Variants in MFHAS1 observed in about 807,000 individuals in gnomAD.
MFHAS1 encodes multifunctional ROCO family signaling regulator 1.
A neutral mutation model predicts 70.4 loss-of-function variants in MFHAS1; 50 were observed. The ratio of observed to expected loss-of-function variants is 0.71; its 90% CI spans 0.57 to 0.90. The LOEUF is 0.90. MFHAS1 is among the 40% of genes least tolerant of loss of function. MFHAS1 has a pLI of 0.00. For missense variants in MFHAS1, 1,795 were observed against 1,347.6 expected, an observed-to-expected ratio of 1.33 and a Z score of -5.20; for synonymous variants, 952 against 620.0, an observed-to-expected ratio of 1.54 and a Z score of -7.96.
intron 1 of MFHAS1, among the ~76,000 whole-genome samples, chr8:8,865,870 C>G (rs1243636496): frequency 1.3e-5 from 2 of 152,178 alleles, no homozygotes; most frequent in African/African-American, 4.8e-5. Flanking sequence ...TTATTTCTCT[C>G]AGGAAGGCAG....
chr8:8,859,341 G>A (rs1808574943), intron 1 of MFHAS1, among the ~76,000 whole-genome samples: 1 of 152,030 alleles, frequency 6.6e-6, no homozygotes, highest in Non-Finnish European at 1.5e-5. Context: ...AAGACTCTGT[G>A]CCCCTCACAC....
chr8:8,892,142 T>G lies in MFHAS1; in HGVS notation c.917A>C (p.Asn306Thr). Residue 306 changes from asparagine to threonine, a missense_variant, in exon 1 of 3, where the codon AAC (asparagine) becomes ACC (threonine). Transcript: ENST00000276282. The surrounding 1 kb of genome is among the most constrained non-coding windows in gnomAD (Gnocchi z 4.7). ...AGLEELYLSR[N>T]QLTSVPSLIS... ...AAGGGATGGCACCGAGGTGAGCTGG[T>G]TGCGACTAAGGTAGAGCTCCTCCAG... is the stretch of plus-strand genomic sequence containing the variant. The G allele has an allele frequency of 6.2e-7, 1 of 1,611,736 alleles. No homozygotes were observed. Among genetic ancestry groups the G allele is most frequent in the Non-Finnish European group, 8.5e-7 (1 of 1,179,968 alleles).
chr8:8,806,730 G>A (rs1473493498), intron 1 of MFHAS1, among the ~76,000 whole-genome samples: 3 of 152,170 alleles, frequency 2.0e-5, no homozygotes, highest in African/African-American at 4.8e-5. Context: ...GGAGGCCAAG[G>A]CTGGCAGATC....
intron 1 of MFHAS1, among the ~76,000 whole-genome samples, chr8:8,819,945 G>A (rs894695790): frequency 6.6e-5 from 10 of 151,986 alleles, no homozygotes; most frequent in African/African-American, 2.4e-4. Flanking sequence ...CTATCCTCCC[G>A]CCTCGGCCTC....
At chr8:8,832,079 C>CACACACACAG (rs1554481397) in intron 1 of MFHAS1, among the ~76,000 whole-genome samples, 2 of 151,726 alleles carry the variant, frequency 1.3e-5, no homozygotes, top group Non-Finnish European at 2.9e-5. Context: ...CACACACACA[C>CACACACACAG]ACACACACAC....
intron 2 of MFHAS1, among the ~76,000 whole-genome samples, chr8:8,795,423 T>C (rs1239015939): frequency 1.3e-5 from 2 of 152,256 alleles, no homozygotes; most frequent in African/African-American, 4.8e-5. Flanking sequence ...ACAGTTATTC[T>C]GTAATCCTAT....
intron 2 of MFHAS1, among the ~76,000 whole-genome samples, chr8:8,795,822 T>G (rs572032525): frequency 6.6e-6 from 1 of 152,324 alleles, no homozygotes; most frequent in East Asian, 1.9e-4. Flanking sequence ...CAGGTCACAA[T>G]TCCCAAAGGC....
intron 1 of MFHAS1, among the ~76,000 whole-genome samples, chr8:8,858,651 G>T (rs1808542377): frequency 6.6e-6 from 1 of 152,036 alleles, no homozygotes; most frequent in Non-Finnish European, 1.5e-5. Flanking sequence ...TATATATGGG[G>T]GGTTGGGTTC....
chr8:8,820,828 G>A (rs1217936901), intron 1 of MFHAS1, among the ~76,000 whole-genome samples: 2 of 152,208 alleles, frequency 1.3e-5, no homozygotes, highest in Admixed American at 1.3e-4. Context: ...CCAGGCCAAA[G>A]CTGTGCTGCC....
intron 1 of MFHAS1, among the ~76,000 whole-genome samples, chr8:8,834,867 G>A (rs1807540408): frequency 6.6e-6 from 1 of 152,194 alleles, no homozygotes; most frequent in South Asian, 2.1e-4. Flanking sequence ...ACATGCCACT[G>A]GATATTTTAA....
At chr8:8,827,688 G>A (rs1807213864) in intron 1 of MFHAS1, among the ~76,000 whole-genome samples, 1 of 152,064 alleles carries the variant, frequency 6.6e-6, no homozygotes, top group Admixed American at 6.5e-5. Flanking sequence ...CCACATTTAT[G>A]GAATTTTTGC....
At chr8:8,820,578 T>C (rs988367300) in intron 1 of MFHAS1, among the ~76,000 whole-genome samples, 5 of 151,884 alleles carry the variant, frequency 3.3e-5, no homozygotes, top group African/African-American at 1.2e-4. Context: ...ATATCATGAA[T>C]TTTTTTTTCA....
intron 2 of MFHAS1, among the ~76,000 whole-genome samples, chr8:8,789,707 T>C (rs28521727): frequency 0.29 from 43,863 of 152,038 alleles, 6,926 homozygotes; most frequent in African/African-American, 0.39. Context: ...TTCCTAGAGA[T>C]GGTAAAACAA....
intron 1 of MFHAS1, among the ~76,000 whole-genome samples, chr8:8,806,879 T>G (rs1337500040): frequency 1.3e-5 from 2 of 151,936 alleles, no homozygotes; most frequent in African/African-American, 2.4e-5. Context: ...GAGAATCGCT[T>G]GAACCCGGGA....
At chr8:8,803,152 C>T (rs749338497) in intron 1 of MFHAS1, among the ~76,000 whole-genome samples, 1 of 152,166 alleles carries the variant, frequency 6.6e-6, no homozygotes, top group Non-Finnish European at 1.5e-5. Context: ...ACAGAGTTAG[C>T]CCTCCTTATC....
chr8:8,838,079 T>C (rs966288033), intron 1 of MFHAS1, among the ~76,000 whole-genome samples: 1 of 152,184 alleles, frequency 6.6e-6, no homozygotes, highest in Admixed American at 6.5e-5. Context: ...TATTCAGCAA[T>C]AAGATGGATG....
At chr8:8,800,467 C>T (rs1179574615) in intron 1 of MFHAS1, among the ~76,000 whole-genome samples, 1 of 152,224 alleles carries the variant, frequency 6.6e-6, no homozygotes, top group African/African-American at 2.4e-5. Flanking sequence ...CAAACATCAA[C>T]TAGTAAGTCA....
At chr8:8,840,007 G>C (rs955245325) in intron 1 of MFHAS1, among the ~76,000 whole-genome samples, 1 of 152,110 alleles carries the variant, frequency 6.6e-6, no homozygotes, top group Non-Finnish European at 1.5e-5. Flanking sequence ...CTAGTAAATG[G>C]ATATACATAT....
At chr8:8,821,900 G>A (rs1453515650) in intron 1 of MFHAS1, 1 of 152,326 alleles carries the variant, frequency 6.6e-6, no homozygotes, top group East Asian at 1.9e-4. Context: ...GCGCAGCGCT[G>A]GCTTTGGGGT....
Sources: allele counts gnomAD v4.1 joint callset (sites outside exome capture counted in the v4.1 genomes callset), GRCh38; gene constraint gnomAD v4.1.1; non-coding constraint Gnocchi (gnomAD v3.1); transcripts MANE v1.5; gene names NCBI Gene and HGNC (gene_info 2026-07-23, HGNC 2026-07-21).